The following ASIC2 variants were observed in gnomAD, a reference collection of about 807,000 sequenced individuals.
The protein encoded by ASIC2 is acid-sensing ion channel 2.
In ASIC2, 25 loss-of-function variants were observed where a neutral mutation model predicts 57.3. The observed-to-expected ratio is 0.44, with a 90% confidence interval of 0.32 to 0.61. ASIC2 has a LOEUF of 0.61. ASIC2 is among the 20% of genes least tolerant of loss of function. The probability of loss-of-function intolerance (pLI) is 0.06; values close to 1 mark genes in which losing one functional copy is unlikely to be tolerated. For missense variants in ASIC2, 641 were observed against 738.1 expected (o/e 0.87, Z 1.52); for synonymous variants, 319 against 307.5 (o/e 1.04, Z -0.39).
At chr17:33,590,526 T>C (rs1245248535) in intron 1 of ASIC2, among the ~76,000 whole-genome samples, 1 of 151,770 alleles carries the variant, frequency 6.6e-6, no homozygotes, top group African/African-American at 2.4e-5. Flanking sequence ...AATGGCTGTG[T>C]CTCTACACCA....
chr17:33,675,955 G>A (rs764315948), intron 1 of ASIC2, among the ~76,000 whole-genome samples: 19 of 152,280 alleles, frequency 1.2e-4, no homozygotes, highest in Non-Finnish European at 1.6e-4. Context: ...GCAATCCAGC[G>A]TCAAGCAAGA....
rs145659880 is a variant in ASIC2, at chr17:33,891,849, A to G, written c.555+264129T>C. Among the ~76,000 whole-genome samples the G allele has an allele frequency of 2.2e-3, 340 of 152,324 alleles. 2 individuals are homozygous for G. The highest frequency in any genetic ancestry group is 7.9e-3 in the African/African-American group (330 of 41,570). Reference sequence around the variant, plus strand: ...TTGCAGTACACATCCCACAGCAAACAAATTACAACTTCTTTCTTAGGCACT... The same window carrying G: ...TTGCAGTACACATCCCACAGCAAACGAATTACAACTTCTTTCTTAGGCACT... On this transcript the variant is annotated intron_variant, in intron 1 of 9. Coordinates refer to the ASIC2 transcript ENST00000359872.
intron 1 of ASIC2, among the ~76,000 whole-genome samples, chr17:33,175,605 T>C (rs537398827): frequency 6.6e-6 from 1 of 152,326 alleles, no homozygotes; most frequent in African/African-American, 2.4e-5. Context: ...TTCCCACATT[T>C]ACAGCGATGA....
chr17:33,194,380 A>G (rs772391254), intron 1 of ASIC2, among the ~76,000 whole-genome samples: 9 of 152,170 alleles, frequency 5.9e-5, no homozygotes, highest in Non-Finnish European at 1.3e-4. Context: ...TGGGTACACC[A>G]GTAGTTGCCC....
At chr17:33,423,790 C>T (rs375144815) in intron 1 of ASIC2, among the ~76,000 whole-genome samples, 4 of 152,340 alleles carry the variant, frequency 2.6e-5, no homozygotes, top group African/African-American at 9.6e-5. Context: ...CAGCTCAGCC[C>T]TTCAGGATGA....
At chr17:33,705,037 G>T (rs1225480354) in intron 1 of ASIC2, among the ~76,000 whole-genome samples, 1 of 152,182 alleles carries the variant, frequency 6.6e-6, no homozygotes, top group East Asian at 1.9e-4. Flanking sequence ...ATGAATGTCA[G>T]TGTCATTTAA....
intron 1 of ASIC2, among the ~76,000 whole-genome samples, chr17:33,301,687 T>G (rs1246757614): frequency 1.3e-5 from 2 of 152,160 alleles, no homozygotes; most frequent in Non-Finnish European, 2.9e-5. Flanking sequence ...AAATGTTAAT[T>G]ATTAAAAGGC....
chr17:33,246,598 C>T (rs1394211757), intron 1 of ASIC2, among the ~76,000 whole-genome samples: 4 of 152,206 alleles, frequency 2.6e-5, no homozygotes, highest in African/African-American at 7.2e-5. Context: ...TTCACCCCTG[C>T]TCAGGAGGAA....
At chr17:33,863,734 G>A (rs1245336627) in intron 1 of ASIC2, among the ~76,000 whole-genome samples, 6 of 152,098 alleles carry the variant, frequency 3.9e-5, no homozygotes, top group African/African-American at 1.4e-4. Flanking sequence ...TCTCAAAGTG[G>A]TATTAATATG....
chr17:33,439,092 C>T (rs890794724), intron 1 of ASIC2, among the ~76,000 whole-genome samples: 1 of 152,156 alleles, frequency 6.6e-6, no homozygotes, highest in Non-Finnish European at 1.5e-5. Flanking sequence ...AATCTTGCCT[C>T]CTTGGCCTCC....
chr17:33,650,885 T>C (rs1476747377), intron 1 of ASIC2, among the ~76,000 whole-genome samples: 2 of 152,146 alleles, frequency 1.3e-5, no homozygotes, highest in African/African-American at 2.4e-5. Flanking sequence ...AGGATCCTTG[T>C]GGTGATAGAG....
rs1356420728 is a variant in ASIC2 at position 34,024,673 on chromosome 17, A to G, written c.555+131305T>C. ...AGCAGGCTGGACCGGCAGTGACCCC[A>G]AGAGACATGCTCAAAACCTGGCCAG... On this transcript the variant is annotated intron_variant, in intron 1 of 9. Coordinates refer to the ASIC2 transcript ENST00000359872. 3.3e-4 allele frequency among the ~76,000 whole-genome samples: 50 copies of G among 152,202 alleles called. 2 individuals are homozygous for G. Among genetic ancestry groups the G allele is most frequent in the Admixed American group, 3.3e-3 (50 of 15,280 alleles).
intron 1 of ASIC2, among the ~76,000 whole-genome samples, chr17:33,769,493 A>T (rs1460983162): frequency 1.3e-5 from 2 of 152,260 alleles, no homozygotes; most frequent in Admixed American, 1.3e-4. Context: ...AGTTTACTGT[A>T]CCAAGCCCAG....
At chr17:33,335,658 T>G (rs1330393904) in intron 1 of ASIC2, among the ~76,000 whole-genome samples, 1 of 152,164 alleles carries the variant, frequency 6.6e-6, no homozygotes, top group African/African-American at 2.4e-5. Flanking sequence ...TCCCCGTGGC[T>G]ACCACCAGGG....
chr17:33,036,398 AC>A lies in ASIC2; in HGVS notation c.988-8007del, dbSNP rs549571922. ...GGAAATCGATGGGAGGGATGGAGAA[AC>A]CCTCCATGGAGCACTTTTCAGACAT... On this transcript the variant is annotated intron_variant, in intron 3 of 9. Coordinates refer to ENST00000225823, the MANE Select transcript of ASIC2 (RefSeq NM_183377.2). Among the ~76,000 whole-genome samples, 11 of 151,908 alleles carry A rather than the reference AC, an allele frequency of 7.2e-5. No individual in the cohort carries two copies. The South Asian group carries it at 2.3e-3, about 32-fold the overall frequency.
At chr17:34,009,992 A>C (rs935633871) in intron 1 of ASIC2, among the ~76,000 whole-genome samples, 1 of 152,234 alleles carries the variant, frequency 6.6e-6, no homozygotes, top group African/African-American at 2.4e-5. Context: ...TGAGACATCC[A>C]GGCGGAAATG....
At chr17:33,450,590 T>A (rs1448793882) in intron 1 of ASIC2, among the ~76,000 whole-genome samples, 1 of 152,222 alleles carries the variant, frequency 6.6e-6, no homozygotes, top group Admixed American at 6.5e-5. Context: ...TGCACAACAA[T>A]AAACAATATG....
chr17:33,586,936 C>G (rs527775965), intron 1 of ASIC2, among the ~76,000 whole-genome samples: 2 of 152,166 alleles, frequency 1.3e-5, no homozygotes, highest in Non-Finnish European at 2.9e-5. Context: ...TCAGCTATAA[C>G]TGAGCCACAC....
chr17:33,560,647 G>C (rs1186887093), intron 1 of ASIC2, among the ~76,000 whole-genome samples: 2 of 152,134 alleles, frequency 1.3e-5, no homozygotes, highest in East Asian at 3.9e-4. Context: ...CTGTGCCCTA[G>C]AAAATACTCC....
Sources: gnomAD v4.1 joint callset for allele counts (sites outside exome capture counted in the v4.1 genomes callset) on GRCh38, gnomAD v4.1.1 for gene constraint, MANE v1.5 for transcripts, NCBI Gene and HGNC (gene_info 2026-07-23, HGNC 2026-07-21) for gene names.